Variants in CDH23 observed in about 807,000 individuals in gnomAD.
The protein encoded by CDH23 is cadherin related 23, also known as cadherin-23.
A neutral mutation model predicts 317.1 loss-of-function variants in CDH23; 189 were observed. The ratio of observed to expected loss-of-function variants is 0.60; its 90% CI spans 0.53 to 0.67. CDH23 has a LOEUF of 0.67. Among genes scored for constraint, CDH23 ranks in the 30% least tolerant of loss-of-function variants. The probability of loss-of-function intolerance (pLI) is 0.00; values close to 1 mark genes in which losing one functional copy is unlikely to be tolerated. For synonymous variants in CDH23, 1,839 were observed against 1,876.8 expected, an observed-to-expected ratio of 0.98 and a Z score of 0.52; for missense variants, 4,401 against 4,592.4, an observed-to-expected ratio of 0.96 and a Z score of 1.20.
At chr10:71,782,333 G>A (rs879780163) in intron 41 of CDH23, among the ~76,000 whole-genome samples, 4 of 152,174 alleles carry the variant, frequency 2.6e-5, no homozygotes, top group East Asian at 1.9e-4. Context: ...GCTCCCTTTC[G>A]GGATCAGCAC....
chr10:71,765,728 C>A (rs759882264), intron 38 of CDH23, among the ~76,000 whole-genome samples: 1 of 152,154 alleles, frequency 6.6e-6, no homozygotes, highest in Non-Finnish European at 1.5e-5. Flanking sequence ...CTCCCCACCC[C>A]TCACACACTG....
In CDH23 at chr10:71,694,177, G is replaced by A. The variant is rs377348311; in HGVS notation, c.2207G>A (p.Arg736Gln). ...ATCACCACCACGTCTCTGCTTGACC[G>A]AGAGACCAAGTCTGAATACATCCTC... ...GEITTTSLLD[R>Q]ETKSEYILIV... Residue 736 changes from arginine to glutamine, a missense_variant, in exon 21 of 70, where the codon CGA becomes CAA. By Grantham distance (43) the Arg-to-Gln change is conservative. Coordinates refer to ENST00000224721, the MANE Select transcript of CDH23 (RefSeq NM_022124.6). The A allele has an allele frequency of 1.5e-4, 238 of 1,613,532 alleles. No homozygotes were observed. The highest frequency in any genetic ancestry group is 1.8e-4 in the Non-Finnish European group (218 of 1,179,834).
At chr10:71,494,641 C>T (rs113326973) in intron 3 of CDH23, among the ~76,000 whole-genome samples, 2,610 of 152,244 alleles carry the variant, frequency 0.017, 60 homozygotes, top group African/African-American at 0.054. Flanking sequence ...GTGGCAAGGC[C>T]GGGACTGCGG....
intron 38 of CDH23, among the ~76,000 whole-genome samples, chr10:71,770,948 G>T (rs1176875145): frequency 6.6e-6 from 1 of 152,178 alleles, no homozygotes; most frequent in Non-Finnish European, 1.5e-5. Flanking sequence ...AGAGCCTCTG[G>T]GCAGTGGGTT....
intron 14 of CDH23, among the ~76,000 whole-genome samples, chr10:71,653,148 C>T (rs1305660942): frequency 6.6e-6 from 1 of 152,196 alleles, no homozygotes; most frequent in East Asian, 1.9e-4. Context: ...CCAGCCCAGC[C>T]TCCCTCTCCT....
chr10:71,699,119 G>A (rs761525123), intron 22 of CDH23, among the ~76,000 whole-genome samples: 4 of 152,200 alleles, frequency 2.6e-5, no homozygotes, highest in South Asian at 4.1e-4. Context: ...TGCTGGAATC[G>A]CACTTGTCTT....
At chr10:71,465,248 C>A (rs535955934) in intron 3 of CDH23, among the ~76,000 whole-genome samples, 21 of 152,234 alleles carry the variant, frequency 1.4e-4, no homozygotes, top group Non-Finnish European at 2.4e-4. Context: ...AAGTCTGTTG[C>A]ACAGCGCTGG....
At chr10:71,677,345 T>G in intron 15 of CDH23, 111 bp from the exon 16 acceptor site, 1 of 810,192 alleles carries the variant, frequency 1.2e-6, no homozygotes, top group South Asian at 1.8e-5. Flanking sequence ...CAGACTTCAT[T>G]TGTTTCTGTT....
chr10:71,583,729 G>A (rs1416486274), intron 9 of CDH23, among the ~76,000 whole-genome samples: 1 of 152,196 alleles, frequency 6.6e-6, no homozygotes, highest in African/African-American at 2.4e-5. Flanking sequence ...GGAGAACCCT[G>A]TTTATTGGGT....
At chr10:71,411,867 T>C (rs1848359854) in intron 1 of CDH23, among the ~76,000 whole-genome samples, 1 of 152,222 alleles carries the variant, frequency 6.6e-6, no homozygotes, top group East Asian at 1.9e-4. Flanking sequence ...GTGGCATTAG[T>C]ATATTCACAG....
intron 6 of CDH23, among the ~76,000 whole-genome samples, chr10:71,534,448 C>G (rs1304662512): frequency 6.6e-6 from 1 of 152,164 alleles, no homozygotes; most frequent in Non-Finnish European, 1.5e-5. Context: ...TTGCTGCTCC[C>G]CTTACTCAAG....
At chr10:71,652,773 CAAG>C (rs1863238667) in intron 14 of CDH23, among the ~76,000 whole-genome samples, 2 of 152,308 alleles carry the variant, frequency 1.3e-5, no homozygotes, top group South Asian at 4.1e-4. Flanking sequence ...GGGCCCTGGG[CAAG>C]GACACCACCC....
At chr10:71,778,087 C>A in intron 39 of CDH23, 102 bp from the exon 40 acceptor site, 2 of 1,525,458 alleles carry the variant, frequency 1.3e-6, no homozygotes, top group Non-Finnish European at 8.9e-7. Context: ...AGTGGTTCCC[C>A]ATCACAGCTC....
At chr10:71,623,309 C>T (rs1266293849) in intron 11 of CDH23, among the ~76,000 whole-genome samples, 1 of 152,244 alleles carries the variant, frequency 6.6e-6, no homozygotes, top group Non-Finnish European at 1.5e-5. Flanking sequence ...TTTCTGGCAG[C>T]AGACGCTCCC....
intron 6 of CDH23, among the ~76,000 whole-genome samples, chr10:71,543,946 A>G (rs1027927401): frequency 6.6e-6 from 1 of 152,180 alleles, no homozygotes; most frequent in African/African-American, 2.4e-5. Flanking sequence ...AAGCTTGAGA[A>G]GGAGAAAAAA....
At chr10:71,464,297 A>G (rs1851143730) in intron 3 of CDH23, among the ~76,000 whole-genome samples, 1 of 152,226 alleles carries the variant, frequency 6.6e-6, no homozygotes, top group Non-Finnish European at 1.5e-5. Flanking sequence ...CCCATCATGT[A>G]GATATTTATG....
chr10:71,471,643 G>A lies in CDH23; in HGVS notation c.145+25248G>A, dbSNP rs75739191. On this transcript the variant is annotated intron_variant, in intron 3 of 69. Coordinates refer to ENST00000224721, the MANE Select transcript of CDH23 (RefSeq NM_022124.6). ...GAGGGCCAGCGCCACCCCCATTGAC[G>A]TGTCCCCGTGAGAACTTTTCCCCAA... Among the ~76,000 whole-genome samples the A allele has an allele frequency of 5.2e-3, 788 of 152,158 alleles. 8 individuals are homozygous for A. The highest frequency in any genetic ancestry group is 0.02 in the Middle Eastern group (6 of 294).
At chr10:71,516,855 G>A (rs900056968) in intron 6 of CDH23, among the ~76,000 whole-genome samples, 12 of 152,284 alleles carry the variant, frequency 7.9e-5, no homozygotes, top group African/African-American at 1.9e-4. Flanking sequence ...TGCAAACATC[G>A]TAGTGAGGAT....
chr10:71,482,677 A>T (rs1327264681), intron 3 of CDH23, among the ~76,000 whole-genome samples: 1 of 152,180 alleles, frequency 6.6e-6, no homozygotes, highest in African/African-American at 2.4e-5. Context: ...TTTGTTTCAG[A>T]TCTCTTGCCT....
Sources: gnomAD v4.1 joint callset for allele counts (sites outside exome capture counted in the v4.1 genomes callset) on GRCh38, gnomAD v4.1.1 for gene constraint, MANE v1.5 for transcripts, NCBI Gene and HGNC (gene_info 2026-07-23, HGNC 2026-07-21) for gene names.